Variants in NFIA observed in about 807,000 individuals in gnomAD.
NFIA encodes nuclear factor I A.
A neutral mutation model predicts 62.8 loss-of-function variants in NFIA; 8 were observed. That is an observed-to-expected ratio of 0.13 (90% CI 0.07 to 0.23). The LOEUF is 0.23. Among genes scored for constraint, NFIA ranks in the 10% least tolerant of loss-of-function variants. The pLI, the probability that NFIA is intolerant of heterozygous loss-of-function variation, is 1.00. For synonymous variants in NFIA, 235 were observed against 238.1 expected (o/e 0.99, Z 0.12); for missense variants, 410 against 642.1 (o/e 0.64, Z 3.91).
rs370728639 is a variant in NFIA, at chr1:61,229,302, G to A, written c.560-48218G>A. 2.8e-3 allele frequency among the ~76,000 whole-genome samples: 432 copies of A among 151,934 alleles called. 5 individuals are homozygous for A. The highest frequency in any genetic ancestry group is 0.01 in the African/African-American group (415 of 41,450). ...TATGTCATTTTTCTCAATATAACCC[G>A]CAAATTACTCAGTCATATATTCTGA... On this transcript the variant is annotated intron_variant, in intron 2 of 10. Transcript: ENST00000403491.
At chr1:61,254,619 G>GTA (rs1212771747) in intron 2 of NFIA, among the ~76,000 whole-genome samples, 2 of 152,174 alleles carry the variant, frequency 1.3e-5, no homozygotes, top group Non-Finnish European at 2.9e-5. Flanking sequence ...TACACATGAA[G>GTA]TATATTGCAT....
In NFIA at chr1:61,088,785, A is replaced by G; in HGVS notation, c.559+105A>G. The G allele has an allele frequency of 7.7e-7, 1 of 1,298,638 alleles. No homozygotes were observed. Among genetic ancestry groups the G allele is most frequent in the Non-Finnish European group, 1.1e-6 (1 of 950,210 alleles). The allele number at this position is 1,298,638 out of a possible 1,614,324, so 80.4% of individuals were successfully genotyped here. ...TCCTGAGCTCCCCAAGTTGCAGGCC[A>G]CGTACATGAAGCCAGTGTGGTTTCA... On this transcript the variant is annotated intron_variant, in intron 2 of 10. Transcript: ENST00000403491. This position sits in a 1 kb window ranked among gnomAD's most constrained non-coding sequence, Gnocchi z 4.5.
intron 2 of NFIA, among the ~76,000 whole-genome samples, chr1:61,275,027 A>T (rs980149628): frequency 6.6e-6 from 1 of 152,304 alleles, no homozygotes; most frequent in Non-Finnish European, 1.5e-5. Context: ...CCTTAGCAGG[A>T]TGGTGCATTT....
At chr1:61,116,476 G>C (rs1042783836) in intron 2 of NFIA, among the ~76,000 whole-genome samples, 1 of 151,982 alleles carries the variant, frequency 6.6e-6, no homozygotes, top group Non-Finnish European at 1.5e-5. Context: ...AGTTGTTAAG[G>C]CATCTTCTGA....
At chr1:61,156,277 A>G (rs17121735) in intron 2 of NFIA, among the ~76,000 whole-genome samples, 3,763 of 152,352 alleles carry the variant, frequency 0.025, 166 homozygotes, top group African/African-American at 0.087. Context: ...AGTTTTCAAC[A>G]GTGAATATCC....
intron 2 of NFIA, among the ~76,000 whole-genome samples, chr1:61,097,881 A>T (rs1646443633): frequency 1.3e-5 from 2 of 152,312 alleles, no homozygotes; most frequent in South Asian, 4.1e-4. Context: ...AGCTGACATG[A>T]CAAGTCCTTA....
At chr1:61,221,333 T>A (rs1654005776) in intron 2 of NFIA, among the ~76,000 whole-genome samples, 1 of 152,152 alleles carries the variant, frequency 6.6e-6, no homozygotes. Context: ...GGGTTTTCAT[T>A]TATTTCTGTT....
chr1:61,292,902 A>C (rs1658977649), intron 3 of NFIA, among the ~76,000 whole-genome samples: 2 of 152,128 alleles, frequency 1.3e-5, no homozygotes, highest in Admixed American at 1.3e-4. Context: ...GAGTTAGTTT[A>C]CTTTATAGAT....
intron 6 of NFIA, among the ~76,000 whole-genome samples, chr1:61,364,804 T>A (rs1273053002): frequency 6.6e-6 from 1 of 152,164 alleles, no homozygotes; most frequent in Non-Finnish European, 1.5e-5. Flanking sequence ...CAGATTTCCA[T>A]ACCAAATGTT....
At chr1:61,331,094 G>A (rs1661278286) in intron 3 of NFIA, among the ~76,000 whole-genome samples, 1 of 152,058 alleles carries the variant, frequency 6.6e-6, no homozygotes, top group African/African-American at 2.4e-5. Flanking sequence ...GGGTGTGGGT[G>A]GTTTTGAGAG....
At chr1:61,171,557 G>A (rs1169096823) in intron 2 of NFIA, among the ~76,000 whole-genome samples, 3 of 152,120 alleles carry the variant, frequency 2.0e-5, no homozygotes, top group Non-Finnish European at 1.5e-5. Flanking sequence ...ATTGAATATA[G>A]GATTTGAGAA....
intron 2 of NFIA, among the ~76,000 whole-genome samples, chr1:61,156,684 C>A (rs1223888886): frequency 6.6e-6 from 1 of 152,118 alleles, no homozygotes; most frequent in Non-Finnish European, 1.5e-5. Flanking sequence ...AGTGCCCTGA[C>A]TGTGTTTAAA....
intron 3 of NFIA, among the ~76,000 whole-genome samples, chr1:61,284,468 C>G (rs1375482140): frequency 6.6e-6 from 1 of 151,884 alleles, no homozygotes; most frequent in Admixed American, 6.6e-5. Context: ...GATGAGGTGC[C>G]ATCCTAGGCT....
chr1:61,235,495 TAAATAAATAAAA>T (rs1395748107), intron 2 of NFIA, among the ~76,000 whole-genome samples: 17 of 144,208 alleles, frequency 1.2e-4, no homozygotes, highest in African/African-American at 3.5e-4. Flanking sequence ...AATAAATAAA[TAAATAAATAAAA>T]ATAAAAAATA....
chr1:61,354,612 C>G (rs1201500789), intron 5 of NFIA, among the ~76,000 whole-genome samples: 1 of 152,180 alleles, frequency 6.6e-6, no homozygotes, highest in Non-Finnish European at 1.5e-5. Context: ...AGAGGAGTCT[C>G]CATTCACACT....
At chr1:61,444,919 G>A (rs1465153494) in intron 10 of NFIA, among the ~76,000 whole-genome samples, 1 of 152,220 alleles carries the variant, frequency 6.6e-6, no homozygotes, top group Non-Finnish European at 1.5e-5. Flanking sequence ...GACAGTAGAG[G>A]TGTGGGACCG....
At position 61,277,488 on chromosome 1, in the gene NFIA, G is replaced by A. The variant is rs332827; in HGVS notation, c.560-32G>A. 0.44 allele frequency: 712,839 copies of A among 1,610,596 alleles called. 164,807 individuals carry two copies. Among genetic ancestry groups the A allele is most frequent in the Admixed American group, 0.58 (34,717 of 59,878 alleles). On this transcript the variant is annotated intron_variant, in intron 2 of 10. Coordinates refer to ENST00000403491, the MANE Select transcript of NFIA (RefSeq NM_001134673.4). ...TGATGCACTTTCCCTTGCAGACCCT[G>A]TAATTTTTGGCTGTATTTTTATGTT...
At chr1:61,235,509 T>TAAATAA (rs1557653494) in intron 2 of NFIA, among the ~76,000 whole-genome samples, 2 of 122,826 alleles carry the variant, frequency 1.6e-5, no homozygotes, top group African/African-American at 3.4e-5. Context: ...TAAATAAAAA[T>TAAATAA]AAAAAATAAA....
intron 2 of NFIA, among the ~76,000 whole-genome samples, chr1:61,223,728 T>C (rs1021978960): frequency 4.6e-5 from 7 of 152,096 alleles, no homozygotes; most frequent in Non-Finnish European, 7.4e-5. Context: ...CCTCCACCTC[T>C]TCTCTGTATT....
Sources: gnomAD v4.1 joint callset for allele counts (sites outside exome capture counted in the v4.1 genomes callset) on GRCh38, gnomAD v4.1.1 for gene constraint, Gnocchi (gnomAD v3.1) non-coding constraint, MANE v1.5 for transcripts, NCBI Gene and HGNC (gene_info 2026-07-23, HGNC 2026-07-21) for gene names.